The following CADM1 variants were observed in gnomAD, a reference collection of about 807,000 sequenced individuals.
CADM1 encodes cell adhesion molecule 1, also known as TSLC-1.
A neutral mutation model predicts 53.1 loss-of-function variants in CADM1; 15 were observed. The observed-to-expected ratio is 0.28, with a 90% CI of 0.19 to 0.44. CADM1 has a LOEUF of 0.44. Among genes scored for constraint, CADM1 ranks in the 20% least tolerant of loss-of-function variants. The pLI is 1.00. For synonymous variants in CADM1, 281 were observed against 243.0 expected, an observed-to-expected ratio of 1.16 and a Z score of -1.45; for missense variants, 434 against 611.3, an observed-to-expected ratio of 0.71 and a Z score of 3.06.
At chr11:115,420,626 C>T (rs893696623) in intron 1 of CADM1, among the ~76,000 whole-genome samples, 1 of 152,178 alleles carries the variant, frequency 6.6e-6, no homozygotes, top group Admixed American at 6.5e-5. Flanking sequence ...CCAGCCAAAA[C>T]AGGAGAGGTT....
At chr11:115,359,682 T>C (rs954072931) in intron 1 of CADM1, among the ~76,000 whole-genome samples, 1 of 152,194 alleles carries the variant, frequency 6.6e-6, no homozygotes, top group African/African-American at 2.4e-5. Flanking sequence ...AAAGCTTTTT[T>C]TTAAGGATGA....
Position 115,169,556 on chromosome 11 carries a change from A to G in CADM1, c.*6918T>C, listed in dbSNP as rs1344931571. The G allele has an allele frequency of 6.6e-6, 3 of 455,114 alleles. No homozygotes were observed. Among genetic ancestry groups the G allele is most frequent in the African/African-American group, 4.0e-5 (2 of 50,006 alleles). The allele number at this position is 455,114 out of a possible 1,614,324, so 28.2% of individuals were successfully genotyped here. A position where few individuals can be genotyped will look rare whatever the true frequency, so the allele number is the denominator to read the frequency against. On this transcript the variant is annotated 3_prime_UTR_variant, in exon 12 of 12. Transcript: ENST00000331581. ...TCCTTGTCCAAACGATAAAAGATTC[A>G]TGTTCCTAATTGCAACACTATAGCT...
Position 115,486,259 on chromosome 11 carries a change from G to A in CADM1, c.124+18012C>T, listed in dbSNP as rs559642126. ...ATGAACCTCTCAATTTCTTATCATT[G>A]CAGGATTCATATTCCTAAAAAACCA... On this transcript the variant is annotated intron_variant, in intron 1 of 11. Transcript: ENST00000331581. Among the ~76,000 whole-genome samples the A allele has an allele frequency of 2.6e-5, 4 of 152,178 alleles. No individual in the cohort carries two copies. In the South Asian group the frequency reaches 8.3e-4, roughly 32 times the overall value.
chr11:115,230,193 G>C (rs1565312067), intron 4 of CADM1, among the ~76,000 whole-genome samples: 1 of 152,160 alleles, frequency 6.6e-6, no homozygotes, highest in East Asian at 1.9e-4. Context: ...TGAAACTTAA[G>C]CTGTTATATA....
chr11:115,289,104 C>G (rs577098416), intron 1 of CADM1, among the ~76,000 whole-genome samples: 100 of 152,274 alleles, frequency 6.6e-4, no homozygotes, highest in Middle Eastern at 3.4e-3. Flanking sequence ...GTGGCTCACG[C>G]CTATAATCCC....
intron 1 of CADM1, among the ~76,000 whole-genome samples, chr11:115,499,526 C>T (rs961417231): frequency 1.3e-5 from 2 of 152,260 alleles, no homozygotes; most frequent in Non-Finnish European, 2.9e-5. Flanking sequence ...ATTAATCTTG[C>T]TGCCTTCAAA....
At chr11:115,290,311 G>A (rs963995786) in intron 1 of CADM1, among the ~76,000 whole-genome samples, 6 of 152,092 alleles carry the variant, frequency 3.9e-5, no homozygotes, top group Non-Finnish European at 7.4e-5. Context: ...TTAAAAGCAG[G>A]GTATTTTTAA....
intron 2 of CADM1, 133 bp from the exon 3 acceptor site, chr11:115,238,785 G>T: frequency 1.2e-6 from 1 of 864,842 alleles, no homozygotes; most frequent in Non-Finnish European, 1.9e-6. Context: ...GTAACTTCAT[G>T]TAGACAAATA....
intron 1 of CADM1, among the ~76,000 whole-genome samples, chr11:115,302,376 C>T (rs915863735): frequency 3.3e-5 from 5 of 151,798 alleles, no homozygotes; most frequent in Admixed American, 1.3e-4. Context: ...GTTTGTAACC[C>T]CAAACCTATA....
chr11:115,310,635 C>T (rs1014484798), intron 1 of CADM1, among the ~76,000 whole-genome samples: 3 of 152,132 alleles, frequency 2.0e-5, no homozygotes, highest in Non-Finnish European at 4.4e-5. Context: ...AATGCAAAGA[C>T]TGTGTGACAC....
At chr11:115,251,539 G>A (rs183919118) in intron 1 of CADM1, among the ~76,000 whole-genome samples, 3 of 152,290 alleles carry the variant, frequency 2.0e-5, no homozygotes, top group East Asian at 1.9e-4. Flanking sequence ...AGAAACAGCT[G>A]TAAATCCATG....
At chr11:115,189,467 G>C (rs546515202) in intron 10 of CADM1, among the ~76,000 whole-genome samples, 3 of 152,308 alleles carry the variant, frequency 2.0e-5, no homozygotes, top group Non-Finnish European at 4.4e-5. Context: ...GTATCAAAGA[G>C]AGTTGTTTTC....
chr11:115,304,529 T>C (rs1372432886), intron 1 of CADM1, among the ~76,000 whole-genome samples: 1 of 152,034 alleles, frequency 6.6e-6, no homozygotes, highest in South Asian at 2.1e-4. Context: ...GGAAGAGATA[T>C]AACTATGGCA....
intron 1 of CADM1, among the ~76,000 whole-genome samples, chr11:115,431,543 G>T (rs1948051091): frequency 6.6e-6 from 1 of 152,060 alleles, no homozygotes; most frequent in Non-Finnish European, 1.5e-5. Context: ...GACCCTCAAA[G>T]GCTTCTTATA....
At chr11:115,224,590 G>A (rs1034352096) in intron 5 of CADM1, among the ~76,000 whole-genome samples, 3 of 152,034 alleles carry the variant, frequency 2.0e-5, no homozygotes, top group African/African-American at 4.8e-5. Flanking sequence ...AGGCTATGAT[G>A]GGTGAAAGCA....
At chr11:115,246,893 C>T (rs1942426443) in intron 1 of CADM1, among the ~76,000 whole-genome samples, 1 of 152,136 alleles carries the variant, frequency 6.6e-6, no homozygotes, top group Non-Finnish European at 1.5e-5. Flanking sequence ...TAATCAGTAA[C>T]AGGTGAGGCA....
At chr11:115,180,273 A>G (rs1565280951) in intron 10 of CADM1, among the ~76,000 whole-genome samples, 1 of 152,204 alleles carries the variant, frequency 6.6e-6, no homozygotes, top group Non-Finnish European at 1.5e-5. Flanking sequence ...AAGAGTTTAA[A>G]TTTTAAAATG....
intron 1 of CADM1, among the ~76,000 whole-genome samples, chr11:115,322,407 G>T (rs1235388229): frequency 1.3e-5 from 2 of 152,124 alleles, no homozygotes; most frequent in Admixed American, 1.3e-4. Context: ...ACACTTTTAT[G>T]GAGATATAAT....
intron 1 of CADM1, among the ~76,000 whole-genome samples, chr11:115,265,045 A>G (rs1217416155): frequency 3.9e-5 from 6 of 152,200 alleles, no homozygotes; most frequent in Non-Finnish European, 8.8e-5. Context: ...GTTAGCATTA[A>G]GAAAAATATA....
Sources: gnomAD v4.1 joint callset for allele counts (sites outside exome capture counted in the v4.1 genomes callset) on GRCh38, gnomAD v4.1.1 for gene constraint, MANE v1.5 for transcripts, NCBI Gene and HGNC (gene_info 2026-07-23, HGNC 2026-07-21) for gene names.